Variants in LRRK2 observed in about 807,000 individuals in gnomAD.
The protein encoded by LRRK2 is leucine rich repeat kinase 2.
In LRRK2, 203 loss-of-function variants were observed where a neutral mutation model predicts 302.6. The observed-to-expected ratio is 0.67, with a 90% confidence interval of 0.60 to 0.75. The LOEUF is 0.75. Among genes scored for constraint, LRRK2 ranks in the 30% least tolerant of loss-of-function variants. LRRK2 has a pLI of 0.00. For synonymous variants in LRRK2, 1,066 were observed against 1,031.9 expected, an observed-to-expected ratio of 1.03 and a Z score of -0.63; for missense variants, 2,830 against 2,951.0, an observed-to-expected ratio of 0.96 and a Z score of 0.95.
intron 49 of LRRK2, 93 bp downstream of exon 49, chr12:40,365,143 T>G (rs776258821): frequency 8.5e-7 from 1 of 1,177,164 alleles, no homozygotes; most frequent in South Asian, 1.3e-5. Context: ...AACTTTCCAG[T>G]GTCATATGGA....
intron 33 of LRRK2, among the ~76,000 whole-genome samples, chr12:40,318,703 A>C (rs768057471): frequency 2.0e-5 from 3 of 152,096 alleles, no homozygotes; most frequent in Non-Finnish European, 4.4e-5. Flanking sequence ...AGTGGTACAG[A>C]GTGCTACAAA....
At position 40,225,585 on chromosome 12, in the gene LRRK2, A is replaced by G. The variant is rs762593111; in HGVS notation, c.182A>G (p.His61Arg). 4 of 1,614,064 alleles carry G rather than the reference A, an allele frequency of 2.5e-6. No individual in the cohort carries two copies. Among genetic ancestry groups the G allele is most frequent in the Non-Finnish European group, 1.7e-6 (2 of 1,179,978 alleles). ...AAGTTATTTCAAGGCAAAAATATCC[A>G]TGTGCCTCTGTTGATCGTCTTGGAC... is the stretch of plus-strand genomic sequence containing the variant. ...ASKLFQGKNI[H>R]VPLLIVLDSY... Residue 61 changes from histidine to arginine, a missense_variant, in exon 2 of 51, where the codon CAT becomes CGT. Around this residue, in one of 3 missense-constraint regions of LRRK2, gnomAD observed 2,121 missense variants for 2,148.0 expected, o/e 0.99. Coordinates refer to ENST00000298910, the MANE Select transcript of LRRK2 (RefSeq NM_198578.4).
Position 40,257,231 on chromosome 12 carries a change from A to G in LRRK2, c.1289-17A>G. 5 of 1,503,666 alleles carry G rather than the reference A, an allele frequency of 3.3e-6. No individual in the cohort carries two copies. The highest frequency in any genetic ancestry group is 4.6e-6 in the Non-Finnish European group (5 of 1,081,022). 93.1% of individuals were successfully genotyped at this position (1,503,666 alleles called of 1,614,324 possible). A position where few individuals can be genotyped will look rare whatever the true frequency, so the allele number is the denominator to read the frequency against. ...ATATGCTTTCATATCTATAAGTAACATTTTAAAAAATCTCAGTTAATTTCA... is the reference window on the plus strand; with the variant it reads ...ATATGCTTTCATATCTATAAGTAACGTTTTAAAAAATCTCAGTTAATTTCA... On this transcript the variant is annotated splice_polypyrimidine_tract_variant and intron_variant, in intron 11 of 50. Transcript: ENST00000298910.
At chr12:40,286,704 T>G (rs1565713795) in intron 19 of LRRK2, 1 of 153,390 alleles carries the variant, frequency 6.5e-6, no homozygotes, top group East Asian at 1.9e-4. Context: ...ACAGTAGTAA[T>G]ATTTGAAGAA....
At chr12:40,278,351 A>G (rs1943549083) in intron 18 of LRRK2, 90 bp downstream of exon 18, 6 of 1,463,708 alleles carry the variant, frequency 4.1e-6, no homozygotes, top group South Asian at 1.1e-5. Context: ...CTTATATCAT[A>G]TTATTCTTCA....
Position 40,368,709 on chromosome 12 carries a change from A to G in LRRK2, c.*944A>G, listed in dbSNP as rs201256649. On this transcript the variant is annotated 3_prime_UTR_variant, in exon 51 of 51. Coordinates refer to ENST00000298910, the MANE Select transcript of LRRK2 (RefSeq NM_198578.4). ...AGAAACCTTTTTTTTTTTCAGAATTATAGAATTCCACAGCTCCTACCAAGA... is the reference window on the plus strand; with the variant it reads ...AGAAACCTTTTTTTTTTTCAGAATTGTAGAATTCCACAGCTCCTACCAAGA... The G allele has an allele frequency of 6.6e-6, 1 of 150,390 alleles. No individual in the cohort carries two copies. Among genetic ancestry groups the G allele is most frequent in the Non-Finnish European group, 1.5e-5 (1 of 67,374 alleles). 9.3% of individuals were successfully genotyped at this position (150,390 alleles called of 1,614,324 possible).
chr12:40,231,271 G>A (rs138501394), intron 2 of LRRK2, among the ~76,000 whole-genome samples: 15 of 151,492 alleles, frequency 9.9e-5, no homozygotes, highest in Admixed American at 2.6e-4. Context: ...ACCTACTAAG[G>A]GCCAGGTGCA....
chr12:40,353,078 G>A (rs1449107104), intron 44 of LRRK2, among the ~76,000 whole-genome samples: 2 of 151,332 alleles, frequency 1.3e-5, no homozygotes, highest in Admixed American at 6.6e-5. Context: ...GGCGGCGGCC[G>A]GGCGGGGGCT....
chr12:40,276,884 G>C (rs1332059435), intron 16 of LRRK2, among the ~76,000 whole-genome samples: 1 of 152,102 alleles, frequency 6.6e-6, no homozygotes, highest in African/African-American at 2.4e-5. Flanking sequence ...CCAGGCTAGA[G>C]TGCAGTGGCA....
chr12:40,308,904 C>T (rs1488904620), intron 29 of LRRK2, among the ~76,000 whole-genome samples: 1 of 152,128 alleles, frequency 6.6e-6, no homozygotes, highest in Non-Finnish European at 1.5e-5. Context: ...GTGCTAGGTA[C>T]TTTGATCGGT....
Position 40,293,596 on chromosome 12 carries a change from G to T in LRRK2, c.2741G>T (p.Gly914Val). Residue 914 changes from glycine to valine, a missense_variant, in exon 21 of 51, where the codon GGA becomes GTA. This residue lies in a region of LRRK2 where 2,121 missense variants were observed against 2,148.0 expected (regional missense o/e 0.99). Coordinates refer to ENST00000298910, the MANE Select transcript of LRRK2 (RefSeq NM_198578.4). ...VKKKSNSISV[G>V]EFYRDAVLQR... ...AAGAAATCTAATTCAATTAGTGTAGGAGAATTTTACCGAGATGCCGTATTA... is the reference window on the plus strand; with the variant it reads ...AAGAAATCTAATTCAATTAGTGTAGTAGAATTTTACCGAGATGCCGTATTA... 3 of 1,611,526 alleles carry T rather than the reference G, an allele frequency of 1.9e-6. No homozygotes were observed. The highest frequency in any genetic ancestry group is 1.1e-5 in the South Asian group (1 of 91,000).
chr12:40,337,560 T>C (rs1175918903), intron 40 of LRRK2, among the ~76,000 whole-genome samples: 1 of 152,190 alleles, frequency 6.6e-6, no homozygotes, highest in African/African-American at 2.4e-5. Context: ...CGAAAGCAAG[T>C]ATGCATTTGT....
Position 40,260,686 on chromosome 12 carries a change from G to A in LRRK2, c.1543+1082G>A, listed in dbSNP as rs567513694. Among the ~76,000 whole-genome samples, 16 of 152,256 alleles carry A rather than the reference G, an allele frequency of 1.1e-4. No individual in the cohort carries two copies. The South Asian group carries it at 3.3e-3, about 32-fold the overall frequency. On this transcript the variant is annotated intron_variant, in intron 13 of 50. Transcript: ENST00000298910. ...AAAGACAATAGCATTGTGGTGCAGA[G>A]GATGATAGACAGGGAGAGAGACTAG... is the stretch of plus-strand genomic sequence containing the variant.
intron 28 of LRRK2, 132 bp downstream of exon 28, chr12:40,306,098 T>C: frequency 1.5e-6 from 1 of 677,080 alleles, no homozygotes. Flanking sequence ...ATATGCTGTG[T>C]GTCATTTGCC....
intron 39 of LRRK2, among the ~76,000 whole-genome samples, chr12:40,333,617 C>T (rs996365962): frequency 3.3e-5 from 5 of 151,990 alleles, no homozygotes; most frequent in African/African-American, 1.2e-4. Context: ...TTCGGAGTGG[C>T]CTGCCATGGG....
intron 3 of LRRK2, among the ~76,000 whole-genome samples, chr12:40,234,369 CTTTTTTTT>C (rs35906443): frequency 4.6e-5 from 2 of 43,072 alleles, no homozygotes; most frequent in South Asian, 1.5e-3. Flanking sequence ...GCTAAATTCA[CTTTTTTTT>C]TTTTTTTTTT....
At chr12:40,340,493 A>G in intron 41 of LRRK2, 39 bp downstream of exon 41, 1 of 1,606,778 alleles carries the variant, frequency 6.2e-7, no homozygotes, top group Non-Finnish European at 8.5e-7. Flanking sequence ...TATCTTCAGG[A>G]TGGATAACCA....
chr12:40,284,837 A>C (rs1943856492), intron 19 of LRRK2, among the ~76,000 whole-genome samples: 1 of 152,108 alleles, frequency 6.6e-6, no homozygotes, highest in African/African-American at 2.4e-5. Flanking sequence ...CAACACCTTA[A>C]GGACCATCTT....
chr12:40,283,296 A>G (rs1234130917), intron 18 of LRRK2, among the ~76,000 whole-genome samples: 1 of 152,192 alleles, frequency 6.6e-6, no homozygotes, highest in African/African-American at 2.4e-5. Flanking sequence ...CTCTGAAAAC[A>G]TAACATTTAG....
Sources: gnomAD v4.1 joint callset for allele counts (sites outside exome capture counted in the v4.1 genomes callset) on GRCh38, gnomAD v4.1.1 for gene constraint, gnomAD v4.1.1 regional missense constraint, MANE v1.5 for transcripts, NCBI Gene and HGNC (gene_info 2026-07-23, HGNC 2026-07-21) for gene names.